Variants in BICRA observed in about 807,000 individuals in gnomAD.
BICRA encodes the protein BRD4-interacting chromatin-remodeling complex-associated protein.
A neutral mutation model predicts 96.9 loss-of-function variants in BICRA; 31 were observed. The ratio of observed to expected loss-of-function variants is 0.32; its 90% confidence interval spans 0.24 to 0.43. The LOEUF (loss-of-function observed/expected upper bound fraction) is 0.43, where lower values mean the gene tolerates loss of function less well. Among genes scored for constraint, BICRA ranks in the 20% least tolerant of loss-of-function variants. BICRA has a pLI of 1.00. For missense variants in BICRA, 2,283 were observed against 2,190.3 expected, an observed-to-expected ratio of 1.04 and a Z score of -0.84; for synonymous variants, 1,350 against 1,071.8, an observed-to-expected ratio of 1.26 and a Z score of -5.07.
chr19:47,657,461 A>G (rs1972636132), intron 1 of BICRA, among the ~76,000 whole-genome samples: 1 of 149,488 alleles, frequency 6.7e-6, no homozygotes, highest in African/African-American at 2.5e-5. Flanking sequence ...CAGTGGCATG[A>G]TTTCGGCTCA....
chr19:47,658,066 G>A (rs1028685334), intron 1 of BICRA, among the ~76,000 whole-genome samples: 1 of 152,160 alleles, frequency 6.6e-6, no homozygotes, highest in Non-Finnish European at 1.5e-5. Flanking sequence ...AAAAAGGAGA[G>A]GGAGCAAACA....
intron 1 of BICRA, among the ~76,000 whole-genome samples, chr19:47,647,838 C>T (rs1488771062): frequency 1.3e-5 from 2 of 149,658 alleles, no homozygotes; most frequent in Non-Finnish European, 2.9e-5. Flanking sequence ...ATCCTGTCCA[C>T]GATGGGGGGT....
intron 11 of BICRA, among the ~76,000 whole-genome samples, chr19:47,697,195 T>C (rs1474703870): frequency 3.3e-5 from 5 of 151,924 alleles, no homozygotes; most frequent in African/African-American, 9.7e-5. Flanking sequence ...TTAGTAGAGA[T>C]GGAGTTTCAC....
chr19:47,667,166 C>A (rs930835820), intron 1 of BICRA, among the ~76,000 whole-genome samples: 5 of 152,200 alleles, frequency 3.3e-5, no homozygotes, highest in Admixed American at 2.0e-4. Context: ...CTACAGGCGC[C>A]CACCCCCACG....
chr19:47,624,277 C>T (rs1473524208), intron 1 of BICRA, among the ~76,000 whole-genome samples: 1 of 152,082 alleles, frequency 6.6e-6, no homozygotes, highest in East Asian at 1.9e-4. Context: ...TTCCCGCCTC[C>T]CCACCTCGGC....
chr19:47,653,001 A>G (rs1972562024), intron 1 of BICRA, among the ~76,000 whole-genome samples: 1 of 151,330 alleles, frequency 6.6e-6, no homozygotes, highest in Non-Finnish European at 1.5e-5. Context: ...CAGTACACAA[A>G]GAACGTCCTC....
chr19:47,665,428 A>G (rs1370163842), intron 1 of BICRA, among the ~76,000 whole-genome samples: 1 of 152,192 alleles, frequency 6.6e-6, no homozygotes, highest in Non-Finnish European at 1.5e-5. Context: ...CACAGTAAAC[A>G]ACCAAACCAT....
intron 1 of BICRA, among the ~76,000 whole-genome samples, chr19:47,642,285 A>G (rs140340483): frequency 1.6e-3 from 237 of 152,344 alleles, no homozygotes; most frequent in African/African-American, 5.3e-3. Flanking sequence ...TGGCTGCCAT[A>G]GATGATGCTG....
At position 47,696,520 on chromosome 19, in the gene BICRA, C is replaced by T. The variant is rs1427200691; in HGVS notation, c.3248+8C>T. 1.3e-6 allele frequency: 2 copies of T among 1,597,294 alleles called. No individual in the cohort carries two copies. The highest frequency in any genetic ancestry group is 1.7e-6 in the Non-Finnish European group (2 of 1,172,140). ...GCCCAGCAAGGAAGCCTGGTGAGTC[C>T]ACACCCCATCCTTGCATGCCTGCCC... On this transcript the variant is annotated splice_region_variant and intron_variant, in intron 11 of 14. Coordinates refer to ENST00000594866, the MANE Select transcript of BICRA (RefSeq NM_001394372.1).
chr19:47,621,884 C>A (rs1290823024), intron 1 of BICRA, among the ~76,000 whole-genome samples: 1 of 152,158 alleles, frequency 6.6e-6, no homozygotes, highest in Non-Finnish European at 1.5e-5. Flanking sequence ...CTCCACCTCC[C>A]AGGTTCAAGC....
intron 1 of BICRA, among the ~76,000 whole-genome samples, chr19:47,632,585 A>G (rs1972236699): frequency 6.6e-6 from 1 of 152,124 alleles, no homozygotes; most frequent in South Asian, 2.1e-4. Flanking sequence ...TGGACTGGGA[A>G]CCGCACGTGT....
At chr19:47,651,889 C>T (rs955877200) in intron 1 of BICRA, among the ~76,000 whole-genome samples, 2 of 152,152 alleles carry the variant, frequency 1.3e-5, no homozygotes, top group Non-Finnish European at 2.9e-5. Context: ...CCACAGATGG[C>T]GCCACTCCTG....
rs763341510 is a variant in BICRA, at chr19:47,702,420, G to A, written c.*5G>A. On this transcript the variant is annotated 3_prime_UTR_variant, in exon 15 of 15. Coordinates refer to ENST00000594866, the MANE Select transcript of BICRA (RefSeq NM_001394372.1). ...GCCAGGACGTTGACCAGATAACACCGGGCCGCCTCCCCTTCCCCGTCCCCT... is the reference window on the plus strand; with the variant it reads ...GCCAGGACGTTGACCAGATAACACCAGGCCGCCTCCCCTTCCCCGTCCCCT... 8 of 1,485,672 alleles carry A rather than the reference G, an allele frequency of 5.4e-6. No homozygotes were observed. Among genetic ancestry groups the A allele is most frequent in the South Asian group, 1.3e-5 (1 of 75,880 alleles). The allele number at this position is 1,485,672 out of a possible 1,614,324, so 92.0% of individuals were successfully genotyped here. A position where few individuals can be genotyped will look rare whatever the true frequency, so the allele number is the denominator to read the frequency against.
At chr19:47,657,931 GT>G (rs1046311690) in intron 1 of BICRA, among the ~76,000 whole-genome samples, 5 of 112,338 alleles carry the variant, frequency 4.5e-5, no homozygotes, top group Non-Finnish European at 7.5e-5. Context: ...TCTCTCTCTC[GT>G]TTTTTTTTTC....
At position 47,695,567 on chromosome 19, in the gene BICRA, C is replaced by T. The variant is rs540730527; in HGVS notation, c.3186+93C>T. 685 of 673,294 alleles carry T rather than the reference C, an allele frequency of 1.0e-3. 2 individuals carry two copies. Among genetic ancestry groups the T allele is most frequent in the Middle Eastern group, 2.4e-3 (10 of 4,086 alleles). The allele number at this position is 673,294 out of a possible 1,614,324, so 41.7% of individuals were successfully genotyped here. On this transcript the variant is annotated intron_variant, in intron 10 of 14. Coordinates refer to ENST00000594866, the MANE Select transcript of BICRA (RefSeq NM_001394372.1). ...GCAGGGGCAGGGAGACACTGGAAGA[C>T]GCGGACAGGATGAAGCTGGGACCAT...
intron 1 of BICRA, among the ~76,000 whole-genome samples, chr19:47,612,788 A>G (rs1971928862): frequency 3.9e-5 from 6 of 152,078 alleles, no homozygotes; most frequent in Admixed American, 3.9e-4. Flanking sequence ...GGCAGAGACT[A>G]GTGGTGGGGG....
chr19:47,665,500 C>T (rs112216820), intron 1 of BICRA, among the ~76,000 whole-genome samples: 389 of 152,242 alleles, frequency 2.6e-3, no homozygotes, highest in Middle Eastern at 0.014. Context: ...GATGGGGTCT[C>T]GCTGTCTTGC....
At chr19:47,609,967 TG>T (rs79347911) in intron 1 of BICRA, among the ~76,000 whole-genome samples, 130,952 of 151,848 alleles carry the variant, frequency 0.86, 56,626 homozygotes, top group Middle Eastern at 0.89. Flanking sequence ...GTTACGGGGG[TG>T]GGGGGGGTGA....
intron 7 of BICRA, among the ~76,000 whole-genome samples, chr19:47,690,806 GT>G (rs1973230432): frequency 2.6e-5 from 4 of 151,816 alleles, no homozygotes; most frequent in African/African-American, 9.7e-5. Context: ...GTGTGTGTGT[GT>G]GTGTGTGCGC....
Sources: gnomAD v4.1 joint callset for allele counts (sites outside exome capture counted in the v4.1 genomes callset) on GRCh38, gnomAD v4.1.1 for gene constraint, MANE v1.5 for transcripts, NCBI Gene and HGNC (gene_info 2026-07-23, HGNC 2026-07-21) for gene names.